The following OSBPL1A variants were observed in gnomAD, a reference collection of about 807,000 sequenced individuals.
OSBPL1A encodes oxysterol-binding protein-related protein 1.
In OSBPL1A, 80 loss-of-function variants were observed where a neutral mutation model predicts 137.1. The ratio of observed to expected loss-of-function variants is 0.58; its 90% confidence interval spans 0.49 to 0.70. The LOEUF is 0.70. OSBPL1A is among the 30% of genes least tolerant of loss of function. The probability of loss-of-function intolerance (pLI) is 0.00; values close to 1 mark genes in which losing one functional copy is unlikely to be tolerated. For missense variants in OSBPL1A, 970 were observed against 1,129.4 expected (o/e 0.86, Z 2.02); for synonymous variants, 365 against 389.7 (o/e 0.94, Z 0.75).
In OSBPL1A at chr18:24,184,387, CTACTA is replaced by C. The variant is rs1312104992; in HGVS notation, c.1678-3113_1678-3109del. On this transcript the variant is annotated intron_variant, in intron 18 of 27. Coordinates refer to ENST00000319481, the MANE Select transcript of OSBPL1A (RefSeq NM_080597.4). ...ATTAAACACGTATTTAACTGAACAC[CTACTA>C]TGTGCCAGGTACTGCAGTAAAAGCC... 2.0e-5 allele frequency among the ~76,000 whole-genome samples: 3 copies of C among 152,204 alleles called. No homozygotes were observed. In the East Asian group the frequency reaches 5.8e-4, roughly 29 times the overall value.
intron 2 of OSBPL1A, among the ~76,000 whole-genome samples, chr18:24,375,154 G>T (rs1043234435): frequency 3.3e-5 from 5 of 151,668 alleles, no homozygotes; most frequent in Non-Finnish European, 7.4e-5. Context: ...GTTTCTACAA[G>T]AAATACAAAA....
chr18:24,274,684 T>C (rs1233184112), intron 15 of OSBPL1A, among the ~76,000 whole-genome samples: 1 of 152,050 alleles, frequency 6.6e-6, no homozygotes, highest in East Asian at 1.9e-4. Flanking sequence ...AAGGCGAGTG[T>C]ATCACTTCAG....
intron 23 of OSBPL1A, 181 bp from the exon 24 acceptor site, chr18:24,170,634 C>T (rs2086255753): frequency 3.3e-6 from 2 of 607,736 alleles, no homozygotes. Flanking sequence ...TGTTTTGCTG[C>T]AATTGAATAT....
At chr18:24,330,311 T>C (rs1158338102) in intron 7 of OSBPL1A, among the ~76,000 whole-genome samples, 1 of 152,116 alleles carries the variant, frequency 6.6e-6, no homozygotes, top group Non-Finnish European at 1.5e-5. Context: ...CCTTAACCTT[T>C]TCTGATAATC....
chr18:24,390,846 T>TCGC (rs1438155116), intron 1 of OSBPL1A, among the ~76,000 whole-genome samples: 1 of 151,600 alleles, frequency 6.6e-6, no homozygotes, highest in Non-Finnish European at 1.5e-5. Flanking sequence ...ACGGCTGTAA[T>TCGC]CGCGGCACTT....
At chr18:24,318,442 C>CT (rs928676335) in intron 9 of OSBPL1A, among the ~76,000 whole-genome samples, 159 bp downstream of exon 9, 1 of 150,628 alleles carries the variant, frequency 6.6e-6, no homozygotes, top group African/African-American at 2.4e-5. Context: ...GTCTCAATAA[C>CT]TAAAAATAAA....
At chr18:24,267,305 G>GT (rs1225893928) in intron 15 of OSBPL1A, among the ~76,000 whole-genome samples, 1 of 150,902 alleles carries the variant, frequency 6.6e-6, no homozygotes, top group East Asian at 1.9e-4. Flanking sequence ...GTAGTTACTA[G>GT]TTAAAAAAAA....
At chr18:24,361,392 A>G (rs988414640) in intron 4 of OSBPL1A, among the ~76,000 whole-genome samples, 7 of 152,204 alleles carry the variant, frequency 4.6e-5, no homozygotes, top group African/African-American at 1.4e-4. Context: ...GCATTGGCCT[A>G]TGGTGAAGTT....
At chr18:24,364,749 T>TG (rs2091676985) in intron 4 of OSBPL1A, 1 of 151,960 alleles carries the variant, frequency 6.6e-6, no homozygotes, top group Non-Finnish European at 1.5e-5. Flanking sequence ...AGGCCAGGAA[T>TG]GGTGGCTCAT....
At chr18:24,392,150 C>T (rs1004807063) in intron 1 of OSBPL1A, among the ~76,000 whole-genome samples, 4 of 152,126 alleles carry the variant, frequency 2.6e-5, no homozygotes, top group African/African-American at 9.7e-5. Context: ...GCCACTGCAT[C>T]CAGCCAGCAT....
intron 15 of OSBPL1A, among the ~76,000 whole-genome samples, chr18:24,244,936 C>A (rs1313115704): frequency 1.3e-5 from 2 of 152,188 alleles, no homozygotes; most frequent in African/African-American, 4.8e-5. Context: ...ACACTGTGTG[C>A]AATCAGCCAG....
intron 15 of OSBPL1A, among the ~76,000 whole-genome samples, chr18:24,270,313 T>C (rs2089686986): frequency 6.6e-6 from 1 of 152,196 alleles, no homozygotes; most frequent in Admixed American, 6.5e-5. Flanking sequence ...GCTCAAACTA[T>C]TTATAAACCA....
At chr18:24,353,204 C>T (rs1418646333) in intron 4 of OSBPL1A, among the ~76,000 whole-genome samples, 5 of 152,114 alleles carry the variant, frequency 3.3e-5, no homozygotes, top group Non-Finnish European at 5.9e-5. Context: ...CTACAATGAA[C>T]TCAAACAAAT....
Position 24,308,117 on chromosome 18 carries a change from CTTT to C in OSBPL1A, c.1092+3864_1092+3866del, listed in dbSNP as rs55806542. Among the ~76,000 whole-genome samples, 20 of 130,538 alleles carry C rather than the reference CTTT, an allele frequency of 1.5e-4. No individual in the cohort carries two copies. In the East Asian group the frequency reaches 2.3e-3, roughly 15 times the overall value. 85.6% of individuals were successfully genotyped at this position (130,538 alleles called of 152,430 possible). ...AAACTCGAGCATCATCTGCTCATTA[CTTT>C]TTTTTTTTTTTTTGAGACAGGGTCT... On this transcript the variant is annotated intron_variant, in intron 13 of 27. Transcript: ENST00000319481.
chr18:24,365,765 T>C (rs889840795), intron 4 of OSBPL1A, among the ~76,000 whole-genome samples: 38 of 152,088 alleles, frequency 2.5e-4, no homozygotes, highest in African/African-American at 8.5e-4. Context: ...ATTTTGTAAA[T>C]GTATAAAAAT....
In OSBPL1A at chr18:24,255,685, G is replaced by C. The variant is rs578189117; in HGVS notation, c.1282-16303C>G. ...AATGTATAAAACCAAACTGTGCTCT[G>C]ACCACCTTCAGACACATGTTGTCAG... is the stretch of plus-strand genomic sequence containing the variant. On this transcript the variant is annotated intron_variant, in intron 15 of 27. Coordinates refer to ENST00000319481, the MANE Select transcript of OSBPL1A (RefSeq NM_080597.4). Among the ~76,000 whole-genome samples, 7 of 151,862 alleles carry C rather than the reference G, an allele frequency of 4.6e-5. No individual in the cohort carries two copies. In the East Asian group the frequency reaches 1.4e-3, roughly 29 times the overall value.
At chr18:24,363,167 C>T (rs566816828) in intron 4 of OSBPL1A, among the ~76,000 whole-genome samples, 1 of 152,300 alleles carries the variant, frequency 6.6e-6, no homozygotes, top group East Asian at 1.9e-4. Flanking sequence ...TAACAAATGA[C>T]CACAAACTCG....
rs756956944 is a variant in OSBPL1A at position 24,280,874 on chromosome 18, C to G, written c.1249G>C (p.Asp417His). The G allele has an allele frequency of 2.5e-6, 4 of 1,605,480 alleles. No homozygotes were observed. Among genetic ancestry groups the G allele is most frequent in the Non-Finnish European group, 3.4e-6 (4 of 1,177,530 alleles). The stretch of plus-strand genomic sequence containing the variant: ...TGTTTGGTGAAGAGATTAAGGCAAT[C>G]AGTCAAAGCTACACAAGTTTCTCTA... Reference protein sequence around the residue: ...ASRETCVALTDCLNLFTKQEG... With the variant: ...ASRETCVALTHCLNLFTKQEG... Residue 417 changes from aspartate (D) to histidine (H), a missense_variant, in exon 15 of 28, where the codon GAT (aspartate) becomes CAT (histidine). Transcript: ENST00000319481.
chr18:24,217,119 A>T (rs1033813636), intron 17 of OSBPL1A, among the ~76,000 whole-genome samples: 29 of 152,226 alleles, frequency 1.9e-4, no homozygotes, highest in African/African-American at 6.5e-4. Context: ...AGAGGGGGAA[A>T]GATACTGTAA....
Sources: allele counts gnomAD v4.1 joint callset (sites outside exome capture counted in the v4.1 genomes callset), GRCh38; gene constraint gnomAD v4.1.1; transcripts MANE v1.5; gene names NCBI Gene and HGNC (gene_info 2026-07-23, HGNC 2026-07-21).